Variants in PCDHGB4 observed in about 807,000 individuals in gnomAD.
The protein encoded by PCDHGB4 is protocadherin gamma-B4.
Under a neutral mutation model 60.5 loss-of-function variants are expected in PCDHGB4, and 38 were observed. The ratio of observed to expected loss-of-function variants is 0.63; its 90% CI spans 0.48 to 0.82. The LOEUF (loss-of-function observed/expected upper bound fraction) is 0.82. Ranked by LOEUF, PCDHGB4 falls within the 40% of genes least tolerant of loss-of-function variation. The pLI is 0.00. For synonymous variants in PCDHGB4, 456 were observed against 509.7 expected (o/e 0.89, Z 1.42); for missense variants, 1,109 against 1,209.6 (o/e 0.92, Z 1.23).
chr5:141,455,833 G>A (rs999291826), intron 1 of PCDHGB4, among the ~76,000 whole-genome samples: 1 of 151,468 alleles, frequency 6.6e-6, no homozygotes, highest in Admixed American at 6.6e-5. Flanking sequence ...CCCTTTTCCT[G>A]TCTATCTGCA....
At chr5:141,417,302 G>A (rs1267397415) in intron 1 of PCDHGB4, 1 of 152,270 alleles carries the variant, frequency 6.6e-6, no homozygotes, top group Non-Finnish European at 1.5e-5. Context: ...GCCTCTGGAT[G>A]GAGGAATTGG....
chr5:141,498,713 C>T (rs1216279302), intron 2 of PCDHGB4, among the ~76,000 whole-genome samples: 1 of 152,148 alleles, frequency 6.6e-6, no homozygotes, highest in East Asian at 1.9e-4. Flanking sequence ...GGGTGGATCA[C>T]CTGAGGTCAG....
chr5:141,459,976 G>A (rs1013971472), intron 1 of PCDHGB4, among the ~76,000 whole-genome samples: 1 of 152,202 alleles, frequency 6.6e-6, no homozygotes, highest in Non-Finnish European at 1.5e-5. Flanking sequence ...TACTCAGGAG[G>A]CTGAGACAGG....
intron 1 of PCDHGB4, among the ~76,000 whole-genome samples, chr5:141,397,601 T>C (rs1225684125): frequency 5.3e-5 from 8 of 152,198 alleles, no homozygotes; most frequent in Admixed American, 3.3e-4. Flanking sequence ...ATATTGCCAG[T>C]GACAAGGGCA....
At chr5:141,409,030 GAT>G in intron 1 of PCDHGB4, 1 of 1,614,010 alleles carries the variant, frequency 6.2e-7, no homozygotes, top group Non-Finnish European at 8.5e-7. Context: ...TCAATGCTGA[GAT>G]AAACTACTAC....
Position 141,494,692 on chromosome 5 carries a change from C to T in PCDHGB4, c.2398-115C>T. On this transcript the variant is annotated intron_variant, in intron 1 of 3. Coordinates refer to ENST00000519479, the MANE Select transcript of PCDHGB4 (RefSeq NM_003736.4). ...AGTCCACCCCTGCCCCCTCTTAGTC[C>T]GTTTTCTTCTCTGTGCCCACTCCCC... 2.5e-6 allele frequency: 4 copies of T among 1,581,934 alleles called. No individual in the cohort carries two copies. In the African/African-American group the frequency reaches 4.0e-5, roughly 16 times the overall value.
At chr5:141,455,128 T>C (rs2098813900) in intron 1 of PCDHGB4, among the ~76,000 whole-genome samples, 2 of 151,962 alleles carry the variant, frequency 1.3e-5, no homozygotes, top group Admixed American at 6.6e-5. Context: ...ATGTTTTAAA[T>C]TACACTGTGT....
rs1272109802 is a variant in PCDHGB4 at position 141,403,110 on chromosome 5, C to G, written c.2397+12829C>G. The G allele has an allele frequency of 6.2e-7, 1 of 1,614,084 alleles. No individual in the cohort carries two copies. The highest frequency in any genetic ancestry group is 1.7e-5 in the Admixed American group (1 of 60,032). The stretch of plus-strand genomic sequence containing the variant: ...GTGGGCAACATCTCCAAGGACCTGG[C>G]TCTGGAGCCCCGGGAGCTGGCGGAG... On this transcript the variant is annotated intron_variant, in intron 1 of 3. Transcript: ENST00000519479.
rs746309479 is a variant in PCDHGB4, at chr5:141,389,523, C to T, written c.1639C>T (p.Arg547Cys). 36 of 1,613,164 alleles carry T rather than the reference C, an allele frequency of 2.2e-5. No homozygotes were observed. Among genetic ancestry groups the T allele is most frequent in the East Asian group, 4.5e-5 (2 of 44,878 alleles). Residue 547 changes from arginine to cysteine, a missense_variant, in exon 1 of 4, where the codon CGC becomes TGC. Coordinates refer to ENST00000519479, the MANE Select transcript of PCDHGB4 (RefSeq NM_003736.4). ...AGCGCTCAGCGCGAACGTGAGCCTG[C>T]GCGTGTTAGTGGACGACCGCAACGA... ...SPALSANVSL[R>C]VLVDDRNDNA...
chr5:141,423,497 AG>A (rs1269176785), intron 1 of PCDHGB4: 1 of 1,613,940 alleles, frequency 6.2e-7, no homozygotes, highest in Non-Finnish European at 8.5e-7. Flanking sequence ...TATTCCCACG[AG>A]GTCTCTCTCA....
chr5:141,392,641 C>G (rs541777624), intron 1 of PCDHGB4: 2 of 655,502 alleles, frequency 3.1e-6, no homozygotes, highest in Non-Finnish European at 2.5e-6. Context: ...TCACACCTCA[C>G]GAAGACCCGC....
intron 1 of PCDHGB4, chr5:141,428,910 A>C (rs956124609): frequency 1.3e-5 from 2 of 151,302 alleles, no homozygotes; most frequent in Non-Finnish European, 2.9e-5. Context: ...GCTGGAGTGC[A>C]GTGGCATGAT....
chr5:141,418,670 G>T (rs767728571), intron 1 of PCDHGB4: 2 of 1,614,042 alleles, frequency 1.2e-6, no homozygotes, highest in Non-Finnish European at 1.7e-6. Context: ...TGACCAGGAC[G>T]AGGGCATCAA....
intron 1 of PCDHGB4, chr5:141,413,787 A>G (rs2095678061): frequency 6.2e-7 from 1 of 1,613,170 alleles, no homozygotes; most frequent in African/African-American, 1.3e-5. Flanking sequence ...AGCACTCCCT[A>G]GATCGCGAGG....
At chr5:141,499,828 A>G (rs921957227) in intron 2 of PCDHGB4, among the ~76,000 whole-genome samples, 1 of 151,834 alleles carries the variant, frequency 6.6e-6, no homozygotes, top group Non-Finnish European at 1.5e-5. Context: ...CTAGGATTAC[A>G]GGTGTGCACC....
rs946798767 is a variant in PCDHGB4 at position 141,438,591 on chromosome 5, C to CATATAT, written c.2397+48350_2397+48355dup. Among the ~76,000 whole-genome samples the CATATAT allele has an allele frequency of 1.5e-3, 111 of 75,470 alleles. 1 individual carries two copies. Among genetic ancestry groups the CATATAT allele is most frequent in the Non-Finnish European group, 2.3e-3 (84 of 37,244 alleles). 49.5% of individuals were successfully genotyped at this position (75,470 alleles called of 152,430 possible). A position where few individuals can be genotyped will look rare whatever the true frequency, so the allele number is the denominator to read the frequency against. ...TCTGATATACATACATACATACATA[C>CATATAT]ATATATATATATATATATATATATA... On this transcript the variant is annotated intron_variant, in intron 1 of 3. Transcript: ENST00000519479.
At chr5:141,496,164 C>T (rs745320704) in intron 2 of PCDHGB4, among the ~76,000 whole-genome samples, 1 of 152,084 alleles carries the variant, frequency 6.6e-6, no homozygotes, top group Non-Finnish European at 1.5e-5. Context: ...CCACCAGACA[C>T]CCTCCCATCC....
intron 1 of PCDHGB4, among the ~76,000 whole-genome samples, chr5:141,469,189 T>C (rs1393685141): frequency 2.6e-5 from 4 of 151,710 alleles, no homozygotes; most frequent in African/African-American, 9.7e-5. Flanking sequence ...GGCAAGAGGA[T>C]TGCTTGAGCC....
rs371490086 is a variant in PCDHGB4, at chr5:141,405,329, G to T, written c.2397+15048G>T. 3 of 1,614,168 alleles carry T rather than the reference G, an allele frequency of 1.9e-6. No individual in the cohort carries two copies. Among genetic ancestry groups the T allele is most frequent in the Non-Finnish European group, 2.5e-6 (3 of 1,180,010 alleles). On this transcript the variant is annotated intron_variant, in intron 1 of 3. Coordinates refer to ENST00000519479, the MANE Select transcript of PCDHGB4 (RefSeq NM_003736.4). The stretch of plus-strand genomic sequence containing the variant: ...CTGTGAGAAAAATGAGCCTTTGTGC[G>T]TCTCTGTTGATTCCAAGTTTCCTAT...
Sources: allele counts gnomAD v4.1 joint callset (sites outside exome capture counted in the v4.1 genomes callset), GRCh38; gene constraint gnomAD v4.1.1; transcripts MANE v1.5; gene names NCBI Gene and HGNC (gene_info 2026-07-23, HGNC 2026-07-21).